The following BBS7 variants were observed in gnomAD, a reference collection of about 807,000 sequenced individuals.
The protein encoded by BBS7 is Bardet-Biedl syndrome 7.
Under a neutral mutation model 90.3 loss-of-function variants are expected in BBS7, and 50 were observed. That is an observed-to-expected ratio of 0.55 (90% CI 0.44 to 0.70). BBS7 has a LOEUF of 0.70. BBS7 is among the 30% of genes least tolerant of loss of function. BBS7 has a pLI of 0.00. For synonymous variants in BBS7, 235 were observed against 287.4 expected (o/e 0.82, Z 1.85); for missense variants, 729 against 838.9 (o/e 0.87, Z 1.62).
chr4:121,844,162 G>A (rs909449465), intron 11 of BBS7, among the ~76,000 whole-genome samples, 161 bp from the exon 12 acceptor site: 1 of 152,040 alleles, frequency 6.6e-6, no homozygotes, highest in Admixed American at 6.6e-5. Context: ...TATACTTCCA[G>A]AAAATAAATA....
chr4:121,857,806 T>TCC (rs1203558264), intron 5 of BBS7, among the ~76,000 whole-genome samples: 1 of 72,208 alleles, frequency 1.4e-5, no homozygotes, highest in Non-Finnish European at 2.5e-5. Context: ...CTTTTTTCTT[T>TCC]TCTTTTTTTT....
At position 121,866,094 on chromosome 4, in the gene BBS7, G is replaced by A. The variant is rs145004100; in HGVS notation, c.102+1887C>T. Among the ~76,000 whole-genome samples the A allele has an allele frequency of 5.5e-3, 830 of 152,222 alleles. 8 individuals carry two copies. Among genetic ancestry groups the A allele is most frequent in the African/African-American group, 0.019 (799 of 41,544 alleles). ...GTTTGTTTGCTATTGGTATGTTTGA[G>A]TTCCTTGTATATTCTGGATATTAAT... On this transcript the variant is annotated intron_variant, in intron 2 of 18. Transcript: ENST00000264499.
At position 121,839,957 on chromosome 4, in the gene BBS7, C is replaced by T. The variant is rs555768444; in HGVS notation, c.1306-261G>A. Among the ~76,000 whole-genome samples, 5 of 152,304 alleles carry T rather than the reference C, an allele frequency of 3.3e-5. No individual in the cohort carries two copies. In the East Asian group the frequency reaches 7.7e-4, roughly 24 times the overall value. The stretch of plus-strand genomic sequence containing the variant: ...ATGAAACTGGAATTCAAATTCCTAT[C>T]GAAAGCTCATGCTCTTTCCATCTTG... On this transcript the variant is annotated intron_variant, in intron 12 of 18. Coordinates refer to ENST00000264499, the MANE Select transcript of BBS7 (RefSeq NM_176824.3).
chr4:121,831,587 A>T (rs1379448999), intron 15 of BBS7, among the ~76,000 whole-genome samples: 2 of 152,226 alleles, frequency 1.3e-5, no homozygotes, highest in Non-Finnish European at 1.5e-5. Context: ...AGTATATAAT[A>T]TGCTAGGGGC....
Position 121,825,720 on chromosome 4 carries a change from A to G in BBS7, c.*140T>C, listed in dbSNP as rs978747680. 1.3e-6 allele frequency: 1 copy of G among 768,644 alleles called. No homozygotes were observed. Among genetic ancestry groups the G allele is most frequent in the Admixed American group, 3.5e-5 (1 of 28,850 alleles). 47.6% of individuals were successfully genotyped at this position (768,644 alleles called of 1,614,324 possible). A position where few individuals can be genotyped will look rare whatever the true frequency, so the allele number is the denominator to read the frequency against. ...TCAAAAGAAATAGAAGCATTACTTT[A>G]AAAAGCCATTATATCTCAAATATTT... is the stretch of plus-strand genomic sequence containing the variant. On this transcript the variant is annotated 3_prime_UTR_variant, in exon 19 of 19. Coordinates refer to ENST00000264499, the MANE Select transcript of BBS7 (RefSeq NM_176824.3).
chr4:121,845,611 C>A lies in BBS7; in HGVS notation c.1123G>T (p.Ala375Ser). ...TCATTTATACCAAAGGAAGGTACTG[C>A]TGATTTTGCTTTGCTTGATTGAGAA... ...QSSQSSKAKSAVPSFGINDKF... is the reference protein window; with the variant it reads ...QSSQSSKAKSSVPSFGINDKF... Residue 375 changes from alanine (A) to serine (S), a missense_variant, in exon 11 of 19, where the codon GCA becomes TCA. By Grantham distance (99) the Ala-to-Ser change is moderately conservative. Transcript: ENST00000264499. 1 of 1,612,808 alleles carries A rather than the reference C, an allele frequency of 6.2e-7. No homozygotes were observed. Among genetic ancestry groups the A allele is most frequent in the Non-Finnish European group, 8.5e-7 (1 of 1,179,106 alleles).
At chr4:121,841,428 C>T (rs1250513604) in intron 12 of BBS7, among the ~76,000 whole-genome samples, 1 of 152,050 alleles carries the variant, frequency 6.6e-6, no homozygotes, top group Non-Finnish European at 1.5e-5. Context: ...AGCTGGGCAT[C>T]ATGGCATATG....
intron 13 of BBS7, among the ~76,000 whole-genome samples, chr4:121,836,920 T>C (rs976682319): frequency 6.6e-6 from 1 of 152,030 alleles, no homozygotes; most frequent in African/African-American, 2.4e-5. Flanking sequence ...AGAACTTTTT[T>C]GTTTGTTAGC....
At chr4:121,852,719 CTT>C (rs1726387074) in intron 8 of BBS7, among the ~76,000 whole-genome samples, 1 of 151,822 alleles carries the variant, frequency 6.6e-6, no homozygotes, top group Non-Finnish European at 1.5e-5. Context: ...ACTTTAGAGA[CTT>C]ATAATAATAT....
At chr4:121,843,094 A>G (rs1462600087) in intron 12 of BBS7, among the ~76,000 whole-genome samples, 1 of 152,160 alleles carries the variant, frequency 6.6e-6, no homozygotes. Flanking sequence ...TAAGAACTTC[A>G]GTTTGGCAGA....
intron 15 of BBS7, among the ~76,000 whole-genome samples, chr4:121,830,137 C>T (rs1377553162): frequency 3.3e-5 from 5 of 152,210 alleles, no homozygotes; most frequent in African/African-American, 1.2e-4. Flanking sequence ...TGTGGTGGCT[C>T]ACGCCTGTAA....
At chr4:121,843,017 C>T (rs531938257) in intron 12 of BBS7, among the ~76,000 whole-genome samples, 11 of 152,128 alleles carry the variant, frequency 7.2e-5, no homozygotes, top group Middle Eastern at 6.8e-3. Flanking sequence ...GCAGGAAGAG[C>T]GGGGGAAGCA....
chr4:121,862,834 G>A (rs1026810800), intron 3 of BBS7, among the ~76,000 whole-genome samples: 1 of 152,172 alleles, frequency 6.6e-6, no homozygotes, highest in African/African-American at 2.4e-5. Flanking sequence ...AACCACATGA[G>A]CTTGGAATAA....
intron 13 of BBS7, among the ~76,000 whole-genome samples, chr4:121,835,531 C>A (rs1386144100): frequency 6.6e-6 from 1 of 152,064 alleles, no homozygotes; most frequent in Non-Finnish European, 1.5e-5. Context: ...TTAACTCATA[C>A]TTTTCATGGC....
chr4:121,863,139 T>A, intron 3 of BBS7, 78 bp downstream of exon 3: 1 of 1,414,030 alleles, frequency 7.1e-7, no homozygotes, highest in South Asian at 1.2e-5. Flanking sequence ...TTTAGGAAAT[T>A]TTTAACCTAG....
intron 1 of BBS7, 131 bp downstream of exon 1, chr4:121,870,147 C>T (rs1727505814): frequency 8.8e-7 from 1 of 1,136,968 alleles, no homozygotes; most frequent in Non-Finnish European, 1.3e-6. Context: ...GCTGAGAGGT[C>T]GGCACCCAGC....
intron 12 of BBS7, among the ~76,000 whole-genome samples, chr4:121,840,680 A>T (rs1347303779): frequency 6.6e-6 from 1 of 152,066 alleles, no homozygotes; most frequent in Non-Finnish European, 1.5e-5. Context: ...GCAACATAAG[A>T]TAATTTATAT....
At position 121,852,887 on chromosome 4, in the gene BBS7, T is replaced by A. The variant is rs1726394858; in HGVS notation, c.849+69A>T. ...TTAATATATTTTCACTTAATAAAAT[T>A]CAAACCATCTGTCATCTCTATAATA... is the stretch of plus-strand genomic sequence containing the variant. On this transcript the variant is annotated intron_variant, in intron 8 of 18. Transcript: ENST00000264499. The A allele has an allele frequency of 2.7e-6, 4 of 1,485,526 alleles. No homozygotes were observed. In the Admixed American group the frequency reaches 7.1e-5, roughly 26 times the overall value. 92.0% of individuals were successfully genotyped at this position (1,485,526 alleles called of 1,614,324 possible). A position where few individuals can be genotyped will look rare whatever the true frequency, so the allele number is the denominator to read the frequency against.
intron 4 of BBS7, among the ~76,000 whole-genome samples, chr4:121,860,992 T>A (rs570010570): frequency 6.6e-6 from 1 of 152,208 alleles, no homozygotes; most frequent in South Asian, 2.1e-4. Flanking sequence ...ATGAATTAGA[T>A]GAATTTTAAA....
Sources: gnomAD v4.1 joint callset for allele counts (sites outside exome capture counted in the v4.1 genomes callset) on GRCh38, gnomAD v4.1.1 for gene constraint, MANE v1.5 for transcripts, NCBI Gene and HGNC (gene_info 2026-07-23, HGNC 2026-07-21) for gene names.